Variants in ARHGAP19 observed in about 807,000 individuals in gnomAD.
The protein encoded by ARHGAP19 is rho GTPase-activating protein 19.
Under a neutral mutation model 60.9 loss-of-function variants are expected in ARHGAP19, and 48 were observed. That is an observed-to-expected ratio of 0.79 (90% CI 0.62 to 1.00). The LOEUF (loss-of-function observed/expected upper bound fraction) is 1.00. Among genes scored for constraint, ARHGAP19 ranks in the 50% least tolerant of loss-of-function variants. The probability of loss-of-function intolerance (pLI) is 0.00; values close to 1 mark genes in which losing one functional copy is unlikely to be tolerated. For missense variants in ARHGAP19, 562 were observed against 597.2 expected, an observed-to-expected ratio of 0.94 and a Z score of 0.61; for synonymous variants, 209 against 215.5, an observed-to-expected ratio of 0.97 and a Z score of 0.27.
intron 5 of ARHGAP19, among the ~76,000 whole-genome samples, chr10:97,258,307 C>G (rs904389569): frequency 2.0e-5 from 3 of 152,166 alleles, no homozygotes; most frequent in African/African-American, 7.2e-5. Flanking sequence ...GGGTGGATCA[C>G]CTGAGGTCAG....
chr10:97,231,144 T>A (rs1450109472), intron 9 of ARHGAP19, among the ~76,000 whole-genome samples: 2 of 147,224 alleles, frequency 1.4e-5, no homozygotes, highest in Admixed American at 1.4e-4. Flanking sequence ...TTCTCAATCA[T>A]CTCTATGACA....
chr10:97,239,719 T>C (rs995997530), intron 8 of ARHGAP19, among the ~76,000 whole-genome samples: 1 of 151,978 alleles, frequency 6.6e-6, no homozygotes, highest in African/African-American at 2.4e-5. Flanking sequence ...TGTTTTCTTT[T>C]TTTTTTGACA....
intron 1 of ARHGAP19, among the ~76,000 whole-genome samples, chr10:97,288,002 C>T (rs374730296): frequency 6.6e-6 from 1 of 152,018 alleles, no homozygotes; most frequent in Non-Finnish European, 1.5e-5. Context: ...GTGGAGGTTG[C>T]GGTGAGCCAA....
intron 8 of ARHGAP19, among the ~76,000 whole-genome samples, chr10:97,239,546 GAGAGGGTGTGTGTGTGT>G (rs1842437974): frequency 9.4e-6 from 1 of 105,904 alleles, no homozygotes; most frequent in African/African-American, 3.9e-5. Flanking sequence ...GAGAGAGAGA[GAGAGGGTGTGTGTGTGT>G]GTGTGTGTGT....
At chr10:97,291,848 C>G (rs1229785251) in intron 1 of ARHGAP19, among the ~76,000 whole-genome samples, 1 of 152,004 alleles carries the variant, frequency 6.6e-6, no homozygotes, top group Non-Finnish European at 1.5e-5. Context: ...GCAACACCAC[C>G]TCGAAATTCT....
intron 9 of ARHGAP19, among the ~76,000 whole-genome samples, chr10:97,230,394 T>C (rs1850985945): frequency 6.6e-6 from 1 of 152,168 alleles, no homozygotes; most frequent in South Asian, 2.1e-4. Context: ...GTTCCTAATA[T>C]AGCCACAAGA....
At chr10:97,247,152 T>G (rs1392493863) in intron 6 of ARHGAP19, among the ~76,000 whole-genome samples, 1 of 148,194 alleles carries the variant, frequency 6.7e-6, no homozygotes, top group African/African-American at 2.5e-5. Flanking sequence ...AAAAAAAAAT[T>G]ACAAAAAAAT....
chr10:97,251,535 G>A (rs1258387112), intron 6 of ARHGAP19, among the ~76,000 whole-genome samples: 1 of 916 alleles, frequency 1.1e-3, no homozygotes, highest in Non-Finnish European at 3.5e-3. Context: ...GGGAAGGGGA[G>A]GGGAAGGGGA....
intron 8 of ARHGAP19, among the ~76,000 whole-genome samples, chr10:97,238,268 C>T (rs1029861152): frequency 6.6e-6 from 1 of 152,230 alleles, no homozygotes; most frequent in Non-Finnish European, 1.5e-5. Flanking sequence ...TGCAGTGGTG[C>T]GGATCATAGC....
At chr10:97,227,525 AGATAAG>A (rs761513146) in intron 11 of ARHGAP19, among the ~76,000 whole-genome samples, 31 of 152,354 alleles carry the variant, frequency 2.0e-4, no homozygotes, top group Middle Eastern at 6.8e-3. Flanking sequence ...AAGCCACTGC[AGATAAG>A]GAAAAGAATT....
intron 1 of ARHGAP19, among the ~76,000 whole-genome samples, chr10:97,268,580 T>C (rs968235141): frequency 6.6e-6 from 1 of 152,298 alleles, no homozygotes; most frequent in East Asian, 1.9e-4. Context: ...CTCACAATCA[T>C]GCTGGAAGGC....
At chr10:97,232,554 G>T (rs1255711136) in intron 9 of ARHGAP19, among the ~76,000 whole-genome samples, 1 of 152,082 alleles carries the variant, frequency 6.6e-6, no homozygotes, top group Non-Finnish European at 1.5e-5. Context: ...TCATAAATAT[G>T]ATTTGCAAAT....
At chr10:97,282,397 A>AAAT (rs753466436) in intron 1 of ARHGAP19, among the ~76,000 whole-genome samples, 4 of 152,222 alleles carry the variant, frequency 2.6e-5, no homozygotes, top group Non-Finnish European at 5.9e-5. Flanking sequence ...CAACACTGAG[A>AAAT]TTTGAGATTT....
intron 9 of ARHGAP19, 40 bp from the exon 10 acceptor site, chr10:97,229,914 A>G (rs751036833): frequency 1.4e-6 from 2 of 1,397,678 alleles, no homozygotes; most frequent in South Asian, 1.2e-5. Flanking sequence ...ATAAACACCT[A>G]CTGCATCTAC....
chr10:97,254,088 G>A (rs1007414917), intron 6 of ARHGAP19, among the ~76,000 whole-genome samples: 4 of 152,210 alleles, frequency 2.6e-5, no homozygotes, highest in African/African-American at 7.2e-5. Context: ...AATACTACTC[G>A]AGGCAATCTA....
intron 8 of ARHGAP19, among the ~76,000 whole-genome samples, chr10:97,243,343 G>A (rs1245702286): frequency 2.0e-5 from 3 of 152,164 alleles, no homozygotes; most frequent in Non-Finnish European, 4.4e-5. Flanking sequence ...AATTAATCTT[G>A]AGAAAGAAAC....
intron 9 of ARHGAP19, among the ~76,000 whole-genome samples, chr10:97,230,885 G>A (rs1429504784): frequency 2.0e-5 from 3 of 151,940 alleles, no homozygotes; most frequent in African/African-American, 7.3e-5. Context: ...GGCCAACATG[G>A]TGAAATACTG....
At chr10:97,282,672 A>G (rs1415246803) in intron 1 of ARHGAP19, among the ~76,000 whole-genome samples, 1 of 150,884 alleles carries the variant, frequency 6.6e-6, no homozygotes, top group Non-Finnish European at 1.5e-5. Context: ...TGCCCTAGGG[A>G]CCCTCTTCCT....
chr10:97,251,176 G>GGAAGGGGAAGA (rs764542046), intron 6 of ARHGAP19, among the ~76,000 whole-genome samples: 2,927 of 99,542 alleles, frequency 0.029, 87 homozygotes, highest in Non-Finnish European at 0.045. Context: ...GAAGGGGAAG[G>GGAAGGGGAAGA]GAAAGGGAAA....
Sources: allele counts gnomAD v4.1 joint callset (sites outside exome capture counted in the v4.1 genomes callset), GRCh38; gene constraint gnomAD v4.1.1; transcripts MANE v1.5; gene names NCBI Gene and HGNC (gene_info 2026-07-23, HGNC 2026-07-21).